Variants in SH3RF3 observed in about 807,000 individuals in gnomAD.
The protein encoded by SH3RF3 is E3 ubiquitin-protein ligase SH3RF3.
Under a neutral mutation model 66.3 loss-of-function variants are expected in SH3RF3, and 29 were observed. That is an observed-to-expected ratio of 0.44 (90% CI 0.33 to 0.60). SH3RF3 has a LOEUF of 0.60. Among genes scored for constraint, SH3RF3 ranks in the 20% least tolerant of loss-of-function variants. The pLI is 0.04. For missense variants in SH3RF3, 1,194 were observed against 1,190.9 expected (o/e 1.00, Z -0.04); for synonymous variants, 583 against 532.0 (o/e 1.10, Z -1.32).
chr2:109,355,305 A>C lies in SH3RF3; in HGVS notation c.849+7356A>C, dbSNP rs115198957. 7.8e-3 allele frequency among the ~76,000 whole-genome samples: 1,185 copies of C among 152,316 alleles called. 16 individuals carry two copies. Among genetic ancestry groups the C allele is most frequent in the African/African-American group, 0.027 (1,132 of 41,572 alleles). ...TTGAATGCTGGCATATTGGCCCAGG[A>C]ACTTGTCTGCTTCATCTGACTCTTG... On this transcript the variant is annotated intron_variant, in intron 2 of 9. Transcript: ENST00000309415.
At chr2:109,293,413 A>G (rs1284873168) in intron 1 of SH3RF3, among the ~76,000 whole-genome samples, 1 of 152,192 alleles carries the variant, frequency 6.6e-6, no homozygotes, top group Non-Finnish European at 1.5e-5. Flanking sequence ...ACTGATCTGG[A>G]CATTGAGTCC....
intron 1 of SH3RF3, among the ~76,000 whole-genome samples, chr2:109,166,006 T>A (rs1445897804): frequency 2.0e-5 from 3 of 152,224 alleles, no homozygotes; most frequent in Non-Finnish European, 4.4e-5. Context: ...CATTTTTCCT[T>A]TTCCCCCAGT....
chr2:109,388,302 C>T (rs1006802085), intron 3 of SH3RF3, among the ~76,000 whole-genome samples: 8 of 152,186 alleles, frequency 5.3e-5, no homozygotes, highest in African/African-American at 1.9e-4. Flanking sequence ...TTAGTTGCAG[C>T]ATGCCTGTTC....
intron 4 of SH3RF3, among the ~76,000 whole-genome samples, chr2:109,407,608 C>G (rs927306708): frequency 6.6e-6 from 1 of 152,220 alleles, no homozygotes; most frequent in Non-Finnish European, 1.5e-5. Flanking sequence ...GGCTCCAGCT[C>G]CAGCTCTCAA....
In SH3RF3 at chr2:109,372,136, G is replaced by T. The variant is rs565759345; in HGVS notation, c.945+455G>T. Among the ~76,000 whole-genome samples, 49 of 152,314 alleles carry T rather than the reference G, an allele frequency of 3.2e-4. No homozygotes were observed. In the South Asian group the frequency reaches 9.7e-3, roughly 30 times the overall value. ...GCTGGCCATCTGCAAAGTCCTCCTTGGACTCAGGGTTATTGGGCAACTCTT... is the reference window on the plus strand; with the variant it reads ...GCTGGCCATCTGCAAAGTCCTCCTTTGACTCAGGGTTATTGGGCAACTCTT... On this transcript the variant is annotated intron_variant, in intron 3 of 9. Transcript: ENST00000309415.
chr2:109,427,375 T>C (rs765845361), intron 5 of SH3RF3, among the ~76,000 whole-genome samples: 12 of 152,238 alleles, frequency 7.9e-5, no homozygotes, highest in Non-Finnish European at 1.3e-4. Context: ...CATATATTGG[T>C]AAACCAAAAA....
intron 1 of SH3RF3, among the ~76,000 whole-genome samples, chr2:109,189,367 C>CTTTTTT (rs5833320): frequency 2.7e-5 from 4 of 147,970 alleles, no homozygotes; most frequent in Non-Finnish European, 4.5e-5. Context: ...AGTCGTTTGA[C>CTTTTTT]TTTTTTTTTT....
At chr2:109,411,197 C>T (rs1430740277) in intron 4 of SH3RF3, among the ~76,000 whole-genome samples, 1 of 152,150 alleles carries the variant, frequency 6.6e-6, no homozygotes, top group African/African-American at 2.4e-5. Flanking sequence ...AGGGGAGAGG[C>T]GCCATTGGTT....
intron 9 of SH3RF3, among the ~76,000 whole-genome samples, chr2:109,498,998 G>A (rs1296091922): frequency 1.3e-5 from 2 of 152,188 alleles, no homozygotes; most frequent in African/African-American, 2.4e-5. Context: ...GGAATGCTGG[G>A]GCGTTTAGAC....
chr2:109,394,698 C>T (rs765856819), intron 3 of SH3RF3, among the ~76,000 whole-genome samples: 1 of 152,178 alleles, frequency 6.6e-6, no homozygotes, highest in African/African-American at 2.4e-5. Context: ...ACCTGATAAA[C>T]AAGGTGACGC....
chr2:109,225,993 C>G (rs1055073512), intron 1 of SH3RF3, among the ~76,000 whole-genome samples: 2 of 152,296 alleles, frequency 1.3e-5, no homozygotes, highest in Admixed American at 1.3e-4. Flanking sequence ...AATGAATCAC[C>G]AAAATACCAT....
intron 1 of SH3RF3, among the ~76,000 whole-genome samples, chr2:109,292,951 C>T (rs997657051): frequency 2.0e-5 from 3 of 152,138 alleles, no homozygotes; most frequent in Admixed American, 1.3e-4. Context: ...AGGCTGGTCT[C>T]GAACTCCTGA....
chr2:109,319,889 A>G (rs2105455256), intron 1 of SH3RF3, among the ~76,000 whole-genome samples: 1 of 152,350 alleles, frequency 6.6e-6, no homozygotes, highest in East Asian at 1.9e-4. Flanking sequence ...TTTGGGACCT[A>G]GAAATCCCCC....
intron 1 of SH3RF3, among the ~76,000 whole-genome samples, chr2:109,136,678 C>T: frequency 6.6e-6 from 1 of 152,150 alleles, no homozygotes; most frequent in East Asian, 1.9e-4. Context: ...CACGTGTTTA[C>T]ATTGTTAACT....
At chr2:109,377,347 T>C (rs1683412315) in intron 3 of SH3RF3, among the ~76,000 whole-genome samples, 1 of 152,178 alleles carries the variant, frequency 6.6e-6, no homozygotes, top group South Asian at 2.1e-4. Context: ...GGGGCCCAGC[T>C]GCTGATGATG....
chr2:109,214,028 G>T (rs1383317635), intron 1 of SH3RF3, among the ~76,000 whole-genome samples: 1 of 152,180 alleles, frequency 6.6e-6, no homozygotes, highest in Non-Finnish European at 1.5e-5. Context: ...TCTGAGACCA[G>T]CCCTGCAGTT....
At chr2:109,214,830 CTG>C (rs1353144117) in intron 1 of SH3RF3, among the ~76,000 whole-genome samples, 5 of 152,182 alleles carry the variant, frequency 3.3e-5, no homozygotes, top group Non-Finnish European at 7.3e-5. Flanking sequence ...ATATTGGAGA[CTG>C]AGTTCCAAGG....
At chr2:109,189,024 A>T (rs1299301931) in intron 1 of SH3RF3, among the ~76,000 whole-genome samples, 1 of 151,842 alleles carries the variant, frequency 6.6e-6, no homozygotes, top group African/African-American at 2.4e-5. Flanking sequence ...CTCTGTCTTC[A>T]CCAGCCCCTT....
At chr2:109,389,432 CAT>C (rs1675920239) in intron 3 of SH3RF3, among the ~76,000 whole-genome samples, 3 of 152,216 alleles carry the variant, frequency 2.0e-5, no homozygotes, top group Admixed American at 6.5e-5. Flanking sequence ...GGGCATACCG[CAT>C]GAGTGTGTGA....
Sources: gnomAD v4.1 joint callset for allele counts (sites outside exome capture counted in the v4.1 genomes callset) on GRCh38, gnomAD v4.1.1 for gene constraint, MANE v1.5 for transcripts, NCBI Gene and HGNC (gene_info 2026-07-23, HGNC 2026-07-21) for gene names.